PFKP: variants seen among roughly 807,000 people sequenced by gnomAD.
The protein encoded by PFKP is ATP-dependent 6-phosphofructokinase, platelet type.
PFKP carries 101 observed loss-of-function variants against 94.3 expected under a neutral mutation model. The ratio of observed to expected loss-of-function variants is 1.07; its 90% CI spans 0.91 to 1.26. The LOEUF is 1.26. Among genes scored for constraint, PFKP ranks in the 50% most tolerant of loss-of-function variants. PFKP has a pLI of 0.00. For synonymous variants in PFKP, 573 were observed against 432.6 expected (o/e 1.32, Z -4.03); for missense variants, 1,145 against 1,103.3 (o/e 1.04, Z -0.53).
At chr10:3,115,424 A>G (rs74112548) in intron 13 of PFKP, among the ~76,000 whole-genome samples, 3,786 of 14,736 alleles carry the variant, frequency 0.26, 729 homozygotes, top group African/African-American at 0.47. Context: ...GTGTCCCGCC[A>G]TGGAGGACAG....
intron 17 of PFKP, among the ~76,000 whole-genome samples, chr10:3,132,061 C>G (rs1188229571): frequency 6.6e-6 from 1 of 152,056 alleles, no homozygotes; most frequent in Non-Finnish European, 1.5e-5. Context: ...TGCAAATAAA[C>G]AAGGAGCAAT....
intron 1 of PFKP, among the ~76,000 whole-genome samples, chr10:3,081,081 CTATG>C (rs1399773436): frequency 1.3e-5 from 2 of 152,146 alleles, no homozygotes; most frequent in Admixed American, 6.5e-5. Context: ...GTAAATAAGA[CTATG>C]TAATATATAT....
rs749799327 is a variant in PFKP, at chr10:3,129,717, C to T, written c.1684-102C>T. On this transcript the variant is annotated intron_variant, in intron 16 of 21. Transcript: ENST00000381125. The stretch of plus-strand genomic sequence containing the variant: ...GGGATGCTGGGACCGCATGTTTGGG[C>T]GCGGTGGGGGGGCCTTGCTGCACTC... 28 of 1,233,180 alleles carry T rather than the reference C, an allele frequency of 2.3e-5. No homozygotes were observed. In the East Asian group the frequency reaches 2.8e-4, roughly 13 times the overall value. 76.4% of individuals were successfully genotyped at this position (1,233,180 alleles called of 1,614,324 possible). A position where few individuals can be genotyped will look rare whatever the true frequency, so the allele number is the denominator to read the frequency against.
At chr10:3,122,474 G>C (rs188384301) in intron 16 of PFKP, among the ~76,000 whole-genome samples, 7 of 152,352 alleles carry the variant, frequency 4.6e-5, no homozygotes, top group Admixed American at 1.3e-4. Flanking sequence ...CGGCCGAACA[G>C]TGTGAATCCT....
intron 13 of PFKP, among the ~76,000 whole-genome samples, chr10:3,115,426 G>GCTGGAGTGAAGGTGTGTGTCCCGCAGCT (rs1564327482): frequency 4.3e-5 from 4 of 93,736 alleles, no homozygotes; most frequent in African/African-American, 1.7e-4. Flanking sequence ...GTCCCGCCAT[G>GCTGGAGTGAAGGTGTGTGTCCCGCAGCT]GAGGACAGGA....
At chr10:3,071,980 CA>C (rs1337943354) in intron 1 of PFKP, among the ~76,000 whole-genome samples, 1 of 152,212 alleles carries the variant, frequency 6.6e-6, no homozygotes, top group Non-Finnish European at 1.5e-5. Context: ...GTGGCTGCAG[CA>C]GGGATGTTCA....
In PFKP at chr10:3,129,968, C is replaced by A; in HGVS notation, c.1833C>A (p.Asp611Glu). The change falls in exon 17 of 22, where the codon GAC becomes GAA. Residue 611 changes from aspartate (D) to glutamate (E), a missense_variant. Coordinates refer to ENST00000381125, the MANE Select transcript of PFKP (RefSeq NM_002627.5). ...DAAYIFEEPF[D>E]IRDLQSNVEH... ...CATACATTTTCGAAGAGCCCTTCGACATCAGGGATCTGCAGGTATGTGACG... is the reference window on the plus strand; with the variant it reads ...CATACATTTTCGAAGAGCCCTTCGAAATCAGGGATCTGCAGGTATGTGACG... 1 of 1,583,824 alleles carries A rather than the reference C, an allele frequency of 6.3e-7. No homozygotes were observed. The highest frequency in any genetic ancestry group is 1.2e-5 in the South Asian group (1 of 85,420).
intron 4 of PFKP, among the ~76,000 whole-genome samples, chr10:3,103,126 A>G (rs1835182179): frequency 6.6e-6 from 1 of 152,190 alleles, no homozygotes. Context: ...TTAATTCCGT[A>G]ATTGTAACGT....
At chr10:3,081,595 G>T (rs1466299266) in intron 1 of PFKP, among the ~76,000 whole-genome samples, 1 of 152,206 alleles carries the variant, frequency 6.6e-6, no homozygotes, top group Non-Finnish European at 1.5e-5. Context: ...GCCTGAGCTT[G>T]TTAGCCACGA....
chr10:3,106,210 CAT>C lies in PFKP; in HGVS notation c.774+710_774+711del, dbSNP rs1411390321. ...GGAAACTCTGGAGGGAGGCAGAAAGCATGGCGTGCACGGGGCGCCTGTGGGGC... is the reference window on the plus strand; with the variant it reads ...GGAAACTCTGGAGGGAGGCAGAAAGCGGCGTGCACGGGGCGCCTGTGGGGC... On this transcript the variant is annotated intron_variant, in intron 7 of 21. Transcript: ENST00000381125. 1.3e-4 allele frequency among the ~76,000 whole-genome samples: 19 copies of C among 151,510 alleles called. 2 individuals are homozygous for C. Among genetic ancestry groups the C allele is most frequent in the East Asian group, 3.9e-4 (2 of 5,086 alleles).
chr10:3,109,699 C>T (rs76867819), intron 10 of PFKP, among the ~76,000 whole-genome samples: 1 of 152,172 alleles, frequency 6.6e-6, no homozygotes, highest in African/African-American at 2.4e-5. Flanking sequence ...TTCTAAGTTA[C>T]CATCCATCTG....
chr10:3,069,867 G>A (rs913359145), intron 1 of PFKP, among the ~76,000 whole-genome samples: 2 of 152,192 alleles, frequency 1.3e-5, no homozygotes, highest in African/African-American at 4.8e-5. Flanking sequence ...TGGCAGAATC[G>A]CGGTGTTCTC....
intron 1 of PFKP, among the ~76,000 whole-genome samples, chr10:3,077,502 G>A (rs559168768): frequency 6.6e-5 from 10 of 151,614 alleles, no homozygotes; most frequent in South Asian, 4.2e-4. Flanking sequence ...TCCTGACCTC[G>A]TGATCCGCCC....
At chr10:3,089,362 G>T (rs867387760) in intron 2 of PFKP, among the ~76,000 whole-genome samples, 1 of 152,140 alleles carries the variant, frequency 6.6e-6, no homozygotes, top group Admixed American at 6.5e-5. Flanking sequence ...CCATTTATCC[G>T]CTGACGGGCG....
chr10:3,083,752 C>T (rs1404004033), intron 2 of PFKP, among the ~76,000 whole-genome samples: 2 of 152,180 alleles, frequency 1.3e-5, no homozygotes, highest in Non-Finnish European at 1.5e-5. Flanking sequence ...AAATGATTCT[C>T]CTGCATCTGC....
At chr10:3,088,043 C>T (rs1472249368) in intron 2 of PFKP, among the ~76,000 whole-genome samples, 3 of 131,858 alleles carry the variant, frequency 2.3e-5, no homozygotes, top group African/African-American at 5.9e-5. Flanking sequence ...ATGTGCACAA[C>T]GTGCAGGTTT....
At chr10:3,122,526 ATAG>A (rs1837533255) in intron 16 of PFKP, among the ~76,000 whole-genome samples, 2 of 152,224 alleles carry the variant, frequency 1.3e-5, no homozygotes, top group Non-Finnish European at 2.9e-5. Context: ...TCGTCTGGCC[ATAG>A]AAGAACATGA....
chr10:3,135,535 C>T (rs886609770), intron 20 of PFKP, among the ~76,000 whole-genome samples: 4 of 152,170 alleles, frequency 2.6e-5, no homozygotes, highest in Non-Finnish European at 5.9e-5. Context: ...CCAGGAAGCC[C>T]TCGGGGCAGT....
chr10:3,087,553 G>A (rs1392394884), intron 2 of PFKP, among the ~76,000 whole-genome samples: 3 of 152,160 alleles, frequency 2.0e-5, no homozygotes, highest in East Asian at 3.8e-4. Context: ...GGTGTTTTGG[G>A]GGAATTCTAA....
Sources: allele counts gnomAD v4.1 joint callset (sites outside exome capture counted in the v4.1 genomes callset), GRCh38; gene constraint gnomAD v4.1.1; transcripts MANE v1.5; gene names NCBI Gene and HGNC (gene_info 2026-07-23, HGNC 2026-07-21).